PLPP1: variants seen among roughly 807,000 people sequenced by gnomAD.
PLPP1 encodes phospholipid phosphatase 1.
Under a neutral mutation model 31.2 loss-of-function variants are expected in PLPP1, and 24 were observed. The ratio of observed to expected loss-of-function variants is 0.77; its 90% CI spans 0.56 to 1.08. The LOEUF (loss-of-function observed/expected upper bound fraction) is 1.08. Among genes scored for constraint, PLPP1 ranks in the 50% least tolerant of loss-of-function variants. PLPP1 has a pLI of 0.00. For synonymous variants in PLPP1, 146 were observed against 126.3 expected (o/e 1.16, Z -1.05); for missense variants, 319 against 342.7 (o/e 0.93, Z 0.55).
chr5:55,441,979 T>TG, intron 3 of PLPP1, 71 bp from the exon 4 acceptor site: 1 of 1,451,152 alleles, frequency 6.9e-7, no homozygotes, highest in Non-Finnish European at 9.6e-7. Flanking sequence ...TTCATAAATC[T>TG]GCTCCTTAGT....
chr5:55,505,219 T>C (rs6870022), intron 1 of PLPP1, among the ~76,000 whole-genome samples: 2,708 of 152,292 alleles, frequency 0.018, 82 homozygotes, highest in African/African-American at 0.061. Context: ...ATCTACTCAA[T>C]TGGCTATCAT....
chr5:55,472,681 A>T (rs962732428), intron 2 of PLPP1, among the ~76,000 whole-genome samples: 1 of 151,010 alleles, frequency 6.6e-6, no homozygotes, highest in African/African-American at 2.4e-5. Flanking sequence ...AGAAAGAGAG[A>T]GATAAAGACA....
Position 55,463,042 on chromosome 5 carries a change from G to A in PLPP1, c.491+4827C>T, listed in dbSNP as rs143739418. Among the ~76,000 whole-genome samples, 1,021 of 152,106 alleles carry A rather than the reference G, an allele frequency of 6.7e-3. 7 individuals carry two copies. Among genetic ancestry groups the A allele is most frequent in the Middle Eastern group, 0.024 (7 of 290 alleles). ...GAGTTCATGTCTTTTGCAGGGACAC[G>A]CATGAAGCTGGAAACCATCATTCTC... On this transcript the variant is annotated intron_variant, in intron 3 of 5. Coordinates refer to ENST00000307259, the MANE Select transcript of PLPP1 (RefSeq NM_003711.4).
chr5:55,450,984 G>A (rs1020139031), intron 3 of PLPP1, among the ~76,000 whole-genome samples: 3 of 152,178 alleles, frequency 2.0e-5, no homozygotes, highest in Admixed American at 6.5e-5. Context: ...AACTAGAAAC[G>A]AGACCCTGAG....
intron 4 of PLPP1, among the ~76,000 whole-genome samples, chr5:55,429,806 T>C (rs1579915290): frequency 1.3e-5 from 2 of 152,114 alleles, no homozygotes; most frequent in African/African-American, 4.8e-5. Flanking sequence ...CACTGTGCAT[T>C]GTCAAGCCTG....
intron 1 of PLPP1, among the ~76,000 whole-genome samples, chr5:55,512,371 T>C (rs866138419): frequency 6.2e-4 from 94 of 151,020 alleles, no homozygotes; most frequent in African/African-American, 2.3e-3. Flanking sequence ...TTTGGGAGGC[T>C]GAGGCAGGGA....
intron 4 of PLPP1, among the ~76,000 whole-genome samples, chr5:55,440,645 T>C (rs1190954547): frequency 6.6e-6 from 1 of 152,232 alleles, no homozygotes; most frequent in East Asian, 1.9e-4. Flanking sequence ...CTTTGAAAAT[T>C]AGCTGTTGTA....
intron 3 of PLPP1, among the ~76,000 whole-genome samples, chr5:55,442,980 A>C (rs1404648898): frequency 6.6e-6 from 1 of 151,632 alleles, no homozygotes; most frequent in Non-Finnish European, 1.5e-5. Context: ...ACTTTTCCCT[A>C]CGTAAGAATA....
At chr5:55,460,859 A>G (rs184446703) in intron 3 of PLPP1, among the ~76,000 whole-genome samples, 21 of 152,274 alleles carry the variant, frequency 1.4e-4, no homozygotes, top group Middle Eastern at 6.8e-3. Context: ...TTAATTAAAT[A>G]AATGAATGAA....
chr5:55,446,887 A>G (rs1297668637), intron 3 of PLPP1, among the ~76,000 whole-genome samples: 2 of 152,148 alleles, frequency 1.3e-5, no homozygotes, highest in Non-Finnish European at 2.9e-5. Flanking sequence ...CTCAGCCTTT[A>G]TATCTGTGCC....
Position 55,484,084 on chromosome 5 carries a change from G to A in PLPP1, c.59-8634C>T, listed in dbSNP as rs542694495. On this transcript the variant is annotated intron_variant, in intron 1 of 5. Coordinates refer to ENST00000307259, the MANE Select transcript of PLPP1 (RefSeq NM_003711.4). Reference sequence around the variant, plus strand: ...CTAGGCCTCAACCTTGGCCTTTCATGTCAGCCTGTCCTTGCATGGTGTGCA... The same window carrying A: ...CTAGGCCTCAACCTTGGCCTTTCATATCAGCCTGTCCTTGCATGGTGTGCA... 1.6e-3 allele frequency among the ~76,000 whole-genome samples: 238 copies of A among 152,204 alleles called. 1 individual carries two copies. The highest frequency in any genetic ancestry group is 4.3e-3 in the Admixed American group (66 of 15,288).
intron 1 of PLPP1, among the ~76,000 whole-genome samples, chr5:55,531,685 C>T (rs1260732873): frequency 6.6e-6 from 1 of 152,188 alleles, no homozygotes; most frequent in East Asian, 1.9e-4. Context: ...CAATCTCCTG[C>T]TGTCAGTAAA....
chr5:55,473,555 T>A (rs1386679823), intron 2 of PLPP1, among the ~76,000 whole-genome samples: 1 of 152,234 alleles, frequency 6.6e-6, no homozygotes, highest in East Asian at 1.9e-4. Flanking sequence ...TTTCTTTTTT[T>A]AAAATAAACT....
chr5:55,436,491 C>T (rs545435645), intron 4 of PLPP1, among the ~76,000 whole-genome samples: 141 of 152,328 alleles, frequency 9.3e-4, no homozygotes, highest in African/African-American at 3.1e-3. Context: ...TCCTAAGCCA[C>T]GGGGAACTGG....
At chr5:55,507,643 T>C (rs887705033) in intron 1 of PLPP1, among the ~76,000 whole-genome samples, 19 of 152,264 alleles carry the variant, frequency 1.2e-4, no homozygotes, top group Middle Eastern at 3.4e-3. Flanking sequence ...TTGTATAATT[T>C]TGAAAATGAG....
chr5:55,486,460 C>T (rs1034188505), intron 1 of PLPP1, among the ~76,000 whole-genome samples: 4 of 151,858 alleles, frequency 2.6e-5, no homozygotes, highest in Admixed American at 6.6e-5. Context: ...GTGGCACACG[C>T]CTGTAGTCCC....
intron 1 of PLPP1, among the ~76,000 whole-genome samples, chr5:55,495,841 GTTTTGTTTTGTTTTGTTTTTGT>G (rs1752993376): frequency 1.3e-5 from 2 of 151,850 alleles, no homozygotes; most frequent in South Asian, 4.2e-4. Context: ...GATCATTTTT[GTTTTGTTTTGTTTTGTTTTTGT>G]TTTTGTTTTG....
intron 1 of PLPP1, among the ~76,000 whole-genome samples, chr5:55,521,961 TG>T (rs1753679256): frequency 6.6e-6 from 1 of 152,222 alleles, no homozygotes; most frequent in Non-Finnish European, 1.5e-5. Context: ...CTCCTACTAC[TG>T]ATGCAAATGA....
intron 3 of PLPP1, among the ~76,000 whole-genome samples, chr5:55,449,331 A>G (rs904223138): frequency 2.0e-5 from 3 of 152,244 alleles, no homozygotes; most frequent in Non-Finnish European, 2.9e-5. Flanking sequence ...TACTGGAAAC[A>G]CAACTTGATG....
Sources: gnomAD v4.1 joint callset for allele counts (sites outside exome capture counted in the v4.1 genomes callset) on GRCh38, gnomAD v4.1.1 for gene constraint, MANE v1.5 for transcripts, NCBI Gene and HGNC (gene_info 2026-07-23, HGNC 2026-07-21) for gene names.